ADGRA3: variants seen among roughly 807,000 people sequenced by gnomAD.
ADGRA3 encodes adhesion G protein-coupled receptor A3.
A neutral mutation model predicts 119.8 loss-of-function variants in ADGRA3; 56 were observed. The observed-to-expected ratio is 0.47, with a 90% confidence interval of 0.38 to 0.58. The LOEUF (loss-of-function observed/expected upper bound fraction) is 0.58. Ranked by LOEUF, ADGRA3 falls within the 20% of genes least tolerant of loss-of-function variation. The probability of loss-of-function intolerance (pLI) is 0.00; values close to 1 mark genes in which losing one functional copy is unlikely to be tolerated. For missense variants in ADGRA3, 1,516 were observed against 1,649.0 expected (o/e 0.92, Z 1.40); for synonymous variants, 607 against 623.8 (o/e 0.97, Z 0.40).
chr4:22,474,010 C>T (rs965548404), intron 1 of ADGRA3, among the ~76,000 whole-genome samples, 167 bp from the exon 2 acceptor site: 5 of 152,134 alleles, frequency 3.3e-5, no homozygotes, highest in Non-Finnish European at 5.9e-5. Flanking sequence ...CTCTGAGAAA[C>T]CAACTATTTA....
At chr4:22,413,525 T>C (rs2109023905) in intron 13 of ADGRA3, 76 bp downstream of exon 13, 2 of 1,437,942 alleles carry the variant, frequency 1.4e-6, no homozygotes, top group Non-Finnish European at 1.9e-6. Flanking sequence ...AACACTAAAA[T>C]AAGCATTTTT....
chr4:22,440,013 TTAATGAGA>T (rs1402506702), intron 7 of ADGRA3, among the ~76,000 whole-genome samples: 2 of 152,220 alleles, frequency 1.3e-5, no homozygotes, highest in African/African-American at 4.8e-5. Flanking sequence ...CAACTACTTC[TTAATGAGA>T]TATGTGTGCC....
chr4:22,476,671 G>GTT (rs537023927), intron 1 of ADGRA3, among the ~76,000 whole-genome samples: 2 of 141,122 alleles, frequency 1.4e-5, no homozygotes, highest in African/African-American at 2.6e-5. Flanking sequence ...TCTGTTTTGG[G>GTT]TTTTTTTTTT....
At chr4:22,489,398 AT>A (rs1483326958) in intron 1 of ADGRA3, among the ~76,000 whole-genome samples, 1 of 152,214 alleles carries the variant, frequency 6.6e-6, no homozygotes, top group Non-Finnish European at 1.5e-5. Context: ...GGTATAGATC[AT>A]GATGGTTACA....
chr4:22,390,344 CATATTATAT>C lies in ADGRA3; in HGVS notation c.2628-1170_2628-1162del, dbSNP rs1560292165. Among the ~76,000 whole-genome samples, 30 of 90,858 alleles carry C rather than the reference CATATTATAT, an allele frequency of 3.3e-4. 1 individual carries two copies. The highest frequency in any genetic ancestry group is 1.7e-3 in the African/African-American group (27 of 16,000). The allele number at this position is 90,858 out of a possible 152,430, so 59.6% of individuals were successfully genotyped here. A position where few individuals can be genotyped will look rare whatever the true frequency, so the allele number is the denominator to read the frequency against. ...CTTATATATATATATATATAAAATACATATTATATATATATAATACGTATTATATATATA... is the reference window on the plus strand; with the variant it reads ...CTTATATATATATATATATAAAATACATATATAATACGTATTATATATATA... On this transcript the variant is annotated intron_variant, in intron 17 of 18. Transcript: ENST00000334304.
At chr4:22,503,244 A>G (rs1719112178) in intron 1 of ADGRA3, among the ~76,000 whole-genome samples, 1 of 152,226 alleles carries the variant, frequency 6.6e-6, no homozygotes, top group Non-Finnish European at 1.5e-5. Flanking sequence ...CAAATAAACA[A>G]ACAGCAGGTT....
At chr4:22,470,793 G>C (rs1340762300) in intron 2 of ADGRA3, among the ~76,000 whole-genome samples, 4 of 152,140 alleles carry the variant, frequency 2.6e-5, no homozygotes, top group Non-Finnish European at 4.4e-5. Flanking sequence ...CAGAAAAGTG[G>C]GAAGTGAGAA....
intron 17 of ADGRA3, 72 bp downstream of exon 17, chr4:22,392,472 AT>A: frequency 3.2e-6 from 5 of 1,562,338 alleles, no homozygotes; most frequent in Non-Finnish European, 4.4e-6. Context: ...TCACTCAGCA[AT>A]TTTGTTATAA....
chr4:22,400,256 TG>T (rs1714556762), intron 16 of ADGRA3, among the ~76,000 whole-genome samples: 1 of 152,166 alleles, frequency 6.6e-6, no homozygotes, highest in Non-Finnish European at 1.5e-5. Flanking sequence ...TTGTGTTCCC[TG>T]AAGCATTACT....
At chr4:22,424,843 G>A (rs1715866787) in intron 10 of ADGRA3, among the ~76,000 whole-genome samples, 1 of 152,148 alleles carries the variant, frequency 6.6e-6, no homozygotes. Context: ...AGGCCGAGGT[G>A]GGTGGATCAT....
intron 17 of ADGRA3, among the ~76,000 whole-genome samples, chr4:22,389,501 C>CTT (rs529490358): frequency 1.3e-3 from 185 of 143,646 alleles, no homozygotes; most frequent in Middle Eastern, 0.011. Context: ...CTTACTCTTA[C>CTT]TTTTTTTTTT....
chr4:22,444,641 A>G (rs1716758483), intron 6 of ADGRA3, among the ~76,000 whole-genome samples: 1 of 152,128 alleles, frequency 6.6e-6, no homozygotes, highest in South Asian at 2.1e-4. Flanking sequence ...CACACACAGG[A>G]TGTGGGCATC....
intron 14 of ADGRA3, among the ~76,000 whole-genome samples, chr4:22,403,555 G>A (rs539184395): frequency 2.2e-4 from 34 of 151,918 alleles, no homozygotes; most frequent in African/African-American, 7.0e-4. Flanking sequence ...GGCAACACAG[G>A]GAGTTTGCAT....
intron 2 of ADGRA3, among the ~76,000 whole-genome samples, chr4:22,462,721 T>C (rs1717510583): frequency 6.6e-6 from 1 of 152,202 alleles, no homozygotes; most frequent in Admixed American, 6.5e-5. Context: ...TGGTATTTGA[T>C]AGCAATCACC....
intron 10 of ADGRA3, among the ~76,000 whole-genome samples, chr4:22,429,070 C>T (rs1471372516): frequency 6.6e-6 from 1 of 151,990 alleles, no homozygotes; most frequent in Non-Finnish European, 1.5e-5. Context: ...ATGTGTCTAC[C>T]ATCAGGTCTC....
chr4:22,466,400 C>T (rs1035242254), intron 2 of ADGRA3, among the ~76,000 whole-genome samples: 1 of 152,158 alleles, frequency 6.6e-6, no homozygotes, highest in Non-Finnish European at 1.5e-5. Context: ...ATCCTTGAGG[C>T]CTTGGGTGAA....
Position 22,461,789 on chromosome 4 carries a change from TAAG to T in ADGRA3, c.346_348del (p.Leu116del). 3 of 1,606,416 alleles carry T rather than the reference TAAG, an allele frequency of 1.9e-6. No individual in the cohort carries two copies. Among genetic ancestry groups the T allele is most frequent in the Non-Finnish European group, 2.6e-6 (3 of 1,174,872 alleles). On this transcript the variant is annotated inframe_deletion, in exon 3 of 19. Coordinates refer to ENST00000334304, the MANE Select transcript of ADGRA3 (RefSeq NM_145290.4). ...AAGGCACCTGGATCTATACTACTAA[TAAG>T]ATTGTTTCGGAGGTCCCTGTTAAAA...
chr4:22,441,198 T>G (rs1560318487), intron 7 of ADGRA3, among the ~76,000 whole-genome samples: 1 of 152,044 alleles, frequency 6.6e-6, no homozygotes, highest in East Asian at 1.9e-4. Flanking sequence ...TAGAAAGAAG[T>G]CAGGCTGGAA....
chr4:22,418,328 G>A (rs73800942), intron 12 of ADGRA3, among the ~76,000 whole-genome samples: 3,907 of 152,212 alleles, frequency 0.026, 183 homozygotes, highest in African/African-American at 0.089. Flanking sequence ...GGCAATGAGA[G>A]AGAGATGAAC....
Sources: gnomAD v4.1 joint callset for allele counts (sites outside exome capture counted in the v4.1 genomes callset) on GRCh38, gnomAD v4.1.1 for gene constraint, MANE v1.5 for transcripts, NCBI Gene and HGNC (gene_info 2026-07-23, HGNC 2026-07-21) for gene names.